LRFN5: variants seen among roughly 807,000 people sequenced by gnomAD.
LRFN5 encodes leucine-rich repeat and fibronectin type-III domain-containing protein 5.
In LRFN5, 24 loss-of-function variants were observed where a neutral mutation model predicts 45.6. That is an observed-to-expected ratio of 0.53 (90% CI 0.38 to 0.74). The LOEUF (loss-of-function observed/expected upper bound fraction) is 0.74, where lower values mean the gene tolerates loss of function less well. LRFN5 is among the 30% of genes least tolerant of loss of function. The pLI, the probability that LRFN5 is intolerant of heterozygous loss-of-function variation, is 0.00. For synonymous variants in LRFN5, 340 were observed against 313.8 expected (o/e 1.08, Z -0.88); for missense variants, 776 against 861.5 (o/e 0.90, Z 1.24).
At chr14:41,766,820 AT>A (rs1238178094) in intron 1 of LRFN5, 33 bp from the exon 2 acceptor site, 1 of 152,504 alleles carries the variant, frequency 6.6e-6, no homozygotes, top group African/African-American at 2.4e-5. Context: ...GCATTTTTTG[AT>A]ACACTCTTTT....
intron 2 of LRFN5, among the ~76,000 whole-genome samples, chr14:41,827,589 C>G (rs553630070): frequency 3.4e-4 from 52 of 151,740 alleles, no homozygotes; most frequent in African/African-American, 1.3e-3. Context: ...TTAGCCATTC[C>G]CTGAAATTCT....
intron 2 of LRFN5, among the ~76,000 whole-genome samples, chr14:41,822,839 A>G (rs1159995554): frequency 2.4e-5 from 3 of 123,280 alleles, no homozygotes; most frequent in Non-Finnish European, 5.0e-5. Flanking sequence ...TTGGTTGCAT[A>G]TATATTTAGG....
intron 1 of LRFN5, among the ~76,000 whole-genome samples, chr14:41,762,937 G>A (rs1012034486): frequency 6.6e-6 from 1 of 152,010 alleles, no homozygotes; most frequent in Non-Finnish European, 1.5e-5. Context: ...TCTTTATTTT[G>A]TACTATTAGG....
chr14:41,770,260 G>A (rs1238462813), intron 2 of LRFN5, among the ~76,000 whole-genome samples: 1 of 152,076 alleles, frequency 6.6e-6, no homozygotes, highest in Non-Finnish European at 1.5e-5. Flanking sequence ...GATTTGGAGG[G>A]GATAATCATC....
chr14:41,844,411 T>G (rs1406311964), intron 2 of LRFN5, among the ~76,000 whole-genome samples: 1 of 145,834 alleles, frequency 6.9e-6, no homozygotes, highest in African/African-American at 2.6e-5. Context: ...CACTCCAGCC[T>G]GGGTGACAGA....
At chr14:41,619,901 C>T (rs759952997) in intron 1 of LRFN5, among the ~76,000 whole-genome samples, 1 of 152,046 alleles carries the variant, frequency 6.6e-6, no homozygotes, top group Non-Finnish European at 1.5e-5. Context: ...GCACCTCACA[C>T]AGCGACTGGC....
chr14:41,741,877 AAAG>A (rs1196627099), intron 1 of LRFN5, among the ~76,000 whole-genome samples: 1 of 151,724 alleles, frequency 6.6e-6, no homozygotes, highest in African/African-American at 2.4e-5. Context: ...ATATTTCTCC[AAAG>A]AAGACATGTG....
intron 2 of LRFN5, among the ~76,000 whole-genome samples, chr14:41,857,755 T>A (rs1889521557): frequency 6.6e-6 from 1 of 152,178 alleles, no homozygotes; most frequent in Non-Finnish European, 1.5e-5. Context: ...TTACTAGAAG[T>A]CTCAAAAAAT....
Position 41,753,324 on chromosome 14 carries a change from C to G in LRFN5, c.-196-13530C>G, listed in dbSNP as rs61992408. 2.7e-4 allele frequency among the ~76,000 whole-genome samples: 41 copies of G among 152,138 alleles called. 1 individual carries two copies. The highest frequency in any genetic ancestry group is 6.2e-4 in the South Asian group (3 of 4,814). On this transcript the variant is annotated intron_variant, in intron 1 of 5. Coordinates refer to ENST00000298119, the MANE Select transcript of LRFN5 (RefSeq NM_152447.5). ...GAAGAAAGTCATTGGTAGCTTGATG[C>G]GGATGGCATTGAATCTATAAATTAC...
chr14:41,697,513 T>G (rs1292899305), intron 1 of LRFN5, among the ~76,000 whole-genome samples: 3 of 151,840 alleles, frequency 2.0e-5, no homozygotes, highest in African/African-American at 7.2e-5. Context: ...TGATTAAATA[T>G]CTTGAGACTG....
chr14:41,770,077 C>T (rs1886025917), intron 2 of LRFN5, among the ~76,000 whole-genome samples: 1 of 152,076 alleles, frequency 6.6e-6, no homozygotes, highest in South Asian at 2.1e-4. Flanking sequence ...AGAGTGGGAG[C>T]AGGAGAGAAA....
intron 2 of LRFN5, among the ~76,000 whole-genome samples, chr14:41,869,440 T>TTAA (rs1555328132): frequency 0.01 from 1,533 of 151,410 alleles, 23 homozygotes; most frequent in African/African-American, 0.036. Flanking sequence ...TTTTTTTTTT[T>TTAA]AAAAAAAGGT....
At chr14:41,845,894 C>A (rs1400218917) in intron 2 of LRFN5, among the ~76,000 whole-genome samples, 2 of 152,136 alleles carry the variant, frequency 1.3e-5, no homozygotes, top group African/African-American at 4.8e-5. Context: ...ATAAGAGGGA[C>A]ATTTTCCCTG....
chr14:41,843,474 G>A (rs1179670896), intron 2 of LRFN5, among the ~76,000 whole-genome samples: 2 of 151,882 alleles, frequency 1.3e-5, no homozygotes, highest in Non-Finnish European at 2.9e-5. Flanking sequence ...GACTTTTTGT[G>A]TCCTGTTCAT....
chr14:41,751,169 C>A (rs901678325), intron 1 of LRFN5, among the ~76,000 whole-genome samples: 3 of 152,036 alleles, frequency 2.0e-5, no homozygotes, highest in Non-Finnish European at 2.9e-5. Flanking sequence ...CTAGGGCCCT[C>A]CCTCAACACA....
intron 2 of LRFN5, among the ~76,000 whole-genome samples, chr14:41,840,464 T>G (rs997588911): frequency 6.6e-6 from 1 of 152,074 alleles, no homozygotes; most frequent in African/African-American, 2.4e-5. Context: ...TAATCACATC[T>G]GTTAAATATT....
chr14:41,820,000 T>C (rs1888058904), intron 2 of LRFN5, among the ~76,000 whole-genome samples: 2 of 151,960 alleles, frequency 1.3e-5, no homozygotes, highest in African/African-American at 4.8e-5. Flanking sequence ...TTGGCATTCT[T>C]TTAGATGCTG....
At chr14:41,624,835 A>T (rs1324615722) in intron 1 of LRFN5, among the ~76,000 whole-genome samples, 1 of 152,056 alleles carries the variant, frequency 6.6e-6, no homozygotes, top group African/African-American at 2.4e-5. Context: ...CATTCACAGG[A>T]TTTATAATTT....
intron 2 of LRFN5, among the ~76,000 whole-genome samples, chr14:41,843,538 A>C (rs888310556): frequency 6.6e-6 from 1 of 152,066 alleles, no homozygotes; most frequent in African/African-American, 2.4e-5. Flanking sequence ...TATTCTAAAA[A>C]CTTTGTAGAA....
Sources: gnomAD v4.1 joint callset for allele counts (sites outside exome capture counted in the v4.1 genomes callset) on GRCh38, gnomAD v4.1.1 for gene constraint, MANE v1.5 for transcripts, NCBI Gene and HGNC (gene_info 2026-07-23, HGNC 2026-07-21) for gene names.